Variants in PDZD8 observed in about 807,000 individuals in gnomAD.
PDZD8 encodes PDZ domain containing 8.
In PDZD8, 14 loss-of-function variants were observed where a neutral mutation model predicts 85.8. That is an observed-to-expected ratio of 0.16 (90% confidence interval 0.11 to 0.26). The LOEUF is 0.26. PDZD8 is among the 10% of genes least tolerant of loss of function. The pLI is 1.00. For synonymous variants in PDZD8, 592 were observed against 568.6 expected (o/e 1.04, Z -0.59); for missense variants, 1,197 against 1,424.3 (o/e 0.84, Z 2.57).
intron 1 of PDZD8, among the ~76,000 whole-genome samples, chr10:117,344,803 G>C (rs1431496976): frequency 6.6e-6 from 1 of 152,200 alleles, no homozygotes; most frequent in Non-Finnish European, 1.5e-5. Context: ...CTAGCCTCCA[G>C]TCACCTGTTA....
At chr10:117,306,978 T>C (rs900916200) in intron 3 of PDZD8, among the ~76,000 whole-genome samples, 1 of 152,176 alleles carries the variant, frequency 6.6e-6, no homozygotes, top group Admixed American at 6.5e-5. Flanking sequence ...TATTATCTAA[T>C]CTACAGACCT....
chr10:117,329,597 G>A (rs1448577826), intron 2 of PDZD8, among the ~76,000 whole-genome samples: 1 of 152,042 alleles, frequency 6.6e-6, no homozygotes, highest in Non-Finnish European at 1.5e-5. Flanking sequence ...AAACCAATGA[G>A]AAAAGGAAAG....
At chr10:117,334,717 A>G (rs193284829) in intron 2 of PDZD8, among the ~76,000 whole-genome samples, 10 of 152,338 alleles carry the variant, frequency 6.6e-5, no homozygotes, top group African/African-American at 2.4e-4. Flanking sequence ...TCTAGAGCCA[A>G]AAAGTATAAT....
At position 117,374,847 on chromosome 10, in the gene PDZD8, G is replaced by C. The variant is rs965826873; in HGVS notation, c.381C>G (p.Phe127Leu). ...RWVTKKIKVE[F>L]EELLQTKTAG... is the part of the protein sequence containing the mutation. ...CCGTCTTGGTCTGCAGCAGCTCCTC[G>C]AACTCCACCTTGATCTTCTTGGTGA... The change falls in exon 1 of 5, where the codon TTC (phenylalanine) becomes TTG (leucine). Residue 127 changes from phenylalanine (F) to leucine (L), a missense_variant. By Grantham distance (22) the Phe-to-Leu change is conservative (BLOSUM62 0). Around this residue, in one of 4 missense-constraint regions of PDZD8, gnomAD observed 344 missense variants for 453.6 expected, o/e 0.76. Coordinates refer to ENST00000334464, the MANE Select transcript of PDZD8 (RefSeq NM_173791.5). This position sits in a 1 kb window ranked among gnomAD's most constrained non-coding sequence, Gnocchi z 7.8. 3.1e-6 allele frequency: 5 copies of C among 1,613,476 alleles called. No individual in the cohort carries two copies. The African/African-American group carries it at 4.0e-5, about 13-fold the overall frequency.
intron 2 of PDZD8, among the ~76,000 whole-genome samples, chr10:117,340,133 C>A (rs1050494940): frequency 1.3e-5 from 2 of 152,170 alleles, no homozygotes; most frequent in East Asian, 3.8e-4. Flanking sequence ...TTTCTGAGAT[C>A]GCTTCCAGTT....
rs772542963 is a variant in PDZD8 at position 117,301,488 on chromosome 10, C to T, written c.1099-11140G>A. On this transcript the variant is annotated intron_variant, in intron 3 of 4. Transcript: ENST00000334464. ...TTTTTATATTAAATAAGTTACTGAG[C>T]TGTTTGCAAGGTGAACTTCTATGTA... Among the ~76,000 whole-genome samples the T allele has an allele frequency of 2.0e-5, 3 of 152,170 alleles. No individual in the cohort carries two copies. The South Asian group carries it at 6.2e-4, about 32-fold the overall frequency.
intron 3 of PDZD8, among the ~76,000 whole-genome samples, chr10:117,301,315 C>T (rs1843843548): frequency 6.6e-6 from 1 of 152,094 alleles, no homozygotes; most frequent in Non-Finnish European, 1.5e-5. Flanking sequence ...GACCAGTATA[C>T]AAATCACCTT....
intron 2 of PDZD8, among the ~76,000 whole-genome samples, chr10:117,331,788 AAAC>A (rs1844425001): frequency 6.6e-6 from 1 of 152,206 alleles, no homozygotes; most frequent in African/African-American, 2.4e-5. Flanking sequence ...TTGTAGTATG[AAAC>A]AGTAGTGGAG....
At chr10:117,329,758 C>A (rs1219787951) in intron 2 of PDZD8, among the ~76,000 whole-genome samples, 1 of 151,556 alleles carries the variant, frequency 6.6e-6, no homozygotes, top group Non-Finnish European at 1.5e-5. Flanking sequence ...CGAGCCTGGG[C>A]AACATGGCAA....
intron 3 of PDZD8, among the ~76,000 whole-genome samples, chr10:117,305,984 G>A (rs1422387307): frequency 6.6e-6 from 1 of 152,058 alleles, no homozygotes; most frequent in Non-Finnish European, 1.5e-5. Context: ...TACCACACTG[G>A]GTTGTTGTCA....
intron 1 of PDZD8, among the ~76,000 whole-genome samples, chr10:117,346,318 A>C (rs369715985): frequency 1.3e-5 from 2 of 152,134 alleles, no homozygotes; most frequent in South Asian, 4.1e-4. Flanking sequence ...AGGAATTGTA[A>C]AAAAAGAAAC....
chr10:117,299,823 AT>A lies in PDZD8; in HGVS notation c.1099-9476del, dbSNP rs1236034683. 8.6e-5 allele frequency among the ~76,000 whole-genome samples: 13 copies of A among 151,644 alleles called. No homozygotes were observed. In the East Asian group the frequency reaches 2.5e-3, roughly 29 times the overall value. On this transcript the variant is annotated intron_variant, in intron 3 of 4. Transcript: ENST00000334464. ...TGAATTCTTTATCTGGAATTCAGAG[AT>A]TTCTTCTTGGTTTGGATCCATTGCT...
intron 1 of PDZD8, among the ~76,000 whole-genome samples, chr10:117,357,480 C>T (rs931037821): frequency 2.6e-5 from 4 of 151,616 alleles, no homozygotes; most frequent in African/African-American, 4.8e-5. Context: ...AAAAAGCCTA[C>T]AGGGGCCAGG....
intron 3 of PDZD8, among the ~76,000 whole-genome samples, chr10:117,305,471 TAC>T (rs57037106): frequency 0.038 from 5,408 of 141,742 alleles, 112 homozygotes; most frequent in African/African-American, 0.062. Context: ...TACACACACA[TAC>T]ACACACACAC....
At chr10:117,320,036 C>T (rs1029036314) in intron 2 of PDZD8, among the ~76,000 whole-genome samples, 1 of 152,174 alleles carries the variant, frequency 6.6e-6, no homozygotes, top group African/African-American at 2.4e-5. Flanking sequence ...AAACAGAAGT[C>T]TGAATAAACT....
intron 1 of PDZD8, among the ~76,000 whole-genome samples, chr10:117,359,405 G>C (rs188081567): frequency 1.3e-3 from 204 of 151,330 alleles, no homozygotes; most frequent in African/African-American, 4.8e-3. Context: ...GACAGAGCGA[G>C]ACCCTGTTTC....
At chr10:117,299,384 C>T (rs1293797869) in intron 3 of PDZD8, among the ~76,000 whole-genome samples, 1 of 152,076 alleles carries the variant, frequency 6.6e-6, no homozygotes, top group Admixed American at 6.6e-5. Flanking sequence ...GGGAAGTTTT[C>T]CTCAATTATT....
chr10:117,292,921 C>G (rs894008748), intron 3 of PDZD8, among the ~76,000 whole-genome samples: 3 of 151,878 alleles, frequency 2.0e-5, no homozygotes, highest in Non-Finnish European at 4.4e-5. Flanking sequence ...GTTTCTTTTA[C>G]AAGCTGGTTT....
chr10:117,277,329 A>G lies in PDZD8; in HGVS notation c.*5939T>C. 2 of 1,003,552 alleles carry G rather than the reference A, an allele frequency of 2.0e-6. No homozygotes were observed. Among genetic ancestry groups the G allele is most frequent in the African/African-American group, 1.6e-5 (1 of 62,782 alleles). 62.2% of individuals were successfully genotyped at this position (1,003,552 alleles called of 1,614,324 possible). Reference sequence around the variant, plus strand: ...ATAAAACAGTGTTTCCAGTGACACAACTCATCCAGAACTGTCTTAGTCATA... The same window carrying G: ...ATAAAACAGTGTTTCCAGTGACACAGCTCATCCAGAACTGTCTTAGTCATA... On this transcript the variant is annotated 3_prime_UTR_variant, in exon 5 of 5. Transcript: ENST00000334464.
Sources: gnomAD v4.1 joint callset for allele counts (sites outside exome capture counted in the v4.1 genomes callset) on GRCh38, gnomAD v4.1.1 for gene constraint, gnomAD v4.1.1 regional missense constraint, Gnocchi (gnomAD v3.1) non-coding constraint, MANE v1.5 for transcripts, NCBI Gene and HGNC (gene_info 2026-07-23, HGNC 2026-07-21) for gene names.